MKNK1: variants seen among roughly 807,000 people sequenced by gnomAD.
MKNK1 encodes the protein MAPK interacting serine/threonine kinase 1.
MKNK1 carries 30 observed loss-of-function variants against 49.3 expected under a neutral mutation model. The ratio of observed to expected loss-of-function variants is 0.61; its 90% CI spans 0.46 to 0.83. The LOEUF is 0.83. MKNK1 is among the 40% of genes least tolerant of loss of function. The probability of loss-of-function intolerance (pLI) is 0.00; values close to 1 mark genes in which losing one functional copy is unlikely to be tolerated. For synonymous variants in MKNK1, 176 were observed against 201.7 expected, an observed-to-expected ratio of 0.87 and a Z score of 1.08; for missense variants, 423 against 524.7, an observed-to-expected ratio of 0.81 and a Z score of 1.89.
Position 46,562,351 on chromosome 1 carries a change from G to A in MKNK1, c.804+298C>T, listed in dbSNP as rs1158783636. On this transcript the variant is annotated intron_variant, in intron 10 of 12. Coordinates refer to ENST00000371945, the MANE Select transcript of MKNK1 (RefSeq NM_001135553.4). ...GCAGAGGTTGCAGTGAGTCGAGATC[G>A]TGCCATTGCACTCCAGCCTGGGCGA... Among the ~76,000 whole-genome samples the A allele has an allele frequency of 4.5e-4, 63 of 140,826 alleles. 1 individual carries two copies. The highest frequency in any genetic ancestry group is 6.3e-4 in the East Asian group (3 of 4,758). 92.4% of individuals were successfully genotyped at this position (140,826 alleles called of 152,430 possible).
rs764247035 is a variant in MKNK1, at chr1:46,562,724, A to T, written c.729T>A (p.Ser243Arg). ...SLGVVLYIML[S>R]GYPPFVGHCG... ...AGTGACCCACGAAGGGTGGGTAGCC[A>T]CTCAGCATGATGTAGAGGACCACGC... Residue 243 changes from serine to arginine, a missense_variant, in exon 10 of 13, where the codon AGT becomes AGA. Ser to Arg is a moderately radical substitution (Grantham distance 110). Coordinates refer to ENST00000371945, the MANE Select transcript of MKNK1 (RefSeq NM_001135553.4). The T allele has an allele frequency of 6.3e-7, 1 of 1,596,080 alleles. No individual in the cohort carries two copies. The highest frequency in any genetic ancestry group is 1.3e-5 in the African/African-American group (1 of 74,828).
At chr1:46,586,196 G>A (rs1672541011) in intron 2 of MKNK1, 2 of 321,560 alleles carry the variant, frequency 6.2e-6, no homozygotes. Context: ...CTGCCTCAGG[G>A]AGTGGGACCC....
At chr1:46,588,031 A>G (rs1192766290) in intron 2 of MKNK1, among the ~76,000 whole-genome samples, 1 of 152,220 alleles carries the variant, frequency 6.6e-6, no homozygotes, top group Non-Finnish European at 1.5e-5. Flanking sequence ...TCATAATCTC[A>G]AAAGGTAAAT....
chr1:46,571,703 T>C (rs1215085866), intron 7 of MKNK1, among the ~76,000 whole-genome samples: 4 of 152,194 alleles, frequency 2.6e-5, no homozygotes, highest in Non-Finnish European at 5.9e-5. Context: ...ACTAAGAAGG[T>C]TGTATTGTGT....
chr1:46,579,009 C>A (rs952036694), intron 4 of MKNK1, among the ~76,000 whole-genome samples: 1 of 152,346 alleles, frequency 6.6e-6, no homozygotes, highest in African/African-American at 2.4e-5. Context: ...CCGCCTCAGC[C>A]TCCCAAAGTG....
Position 46,561,518 on chromosome 1 carries a change from A to C in MKNK1, c.929T>G (p.Leu310Arg), listed in dbSNP as rs752960509. The change falls in exon 11 of 13, where the codon CTT becomes CGT. Residue 310 changes from leucine to arginine, a missense_variant. By Grantham distance (102) the Leu-to-Arg change is moderately radical (BLOSUM62 -2). Transcript: ENST00000371945. ...KLLVRDAKQR[L>R]SAAQVLQHPW... The stretch of plus-strand genomic sequence containing the variant: ...GTGCTGCAGAACTTGGGCGGCGCTA[A>C]GTCTCTGCTTTGCATCTCGCACCAG... The C allele has an allele frequency of 6.2e-7, 1 of 1,614,092 alleles. No individual in the cohort carries two copies. The highest frequency in any genetic ancestry group is 8.5e-7 in the Non-Finnish European group (1 of 1,179,962).
intron 11 of MKNK1, among the ~76,000 whole-genome samples, chr1:46,560,938 A>C (rs1667848716): frequency 6.6e-6 from 1 of 152,256 alleles, no homozygotes; most frequent in South Asian, 2.1e-4. Context: ...CTTGGAGGGC[A>C]GAGGTCAGGT....
chr1:46,559,220 G>A (rs1486149745), intron 12 of MKNK1, among the ~76,000 whole-genome samples: 4 of 152,236 alleles, frequency 2.6e-5, no homozygotes, highest in African/African-American at 7.2e-5. Context: ...CAGGGCTAGC[G>A]TGGACAGGCA....
chr1:46,594,215 G>A lies in MKNK1; in HGVS notation c.-105C>T, dbSNP rs745531451. 6 of 1,245,398 alleles carry A rather than the reference G, an allele frequency of 4.8e-6. No individual in the cohort carries two copies. Among genetic ancestry groups the A allele is most frequent in the South Asian group, 3.6e-5 (3 of 83,766 alleles). The allele number at this position is 1,245,398 out of a possible 1,614,324, so 77.1% of individuals were successfully genotyped here. ...AGTTGGTGTCTTCCAGCTACACGAA[G>A]TGTCTCAATGGCCTTTGTGCGTAGG... is the stretch of plus-strand genomic sequence containing the variant. On this transcript the variant is annotated 5_prime_UTR_variant, in exon 2 of 13. Transcript: ENST00000371945.
chr1:46,576,792 A>T (rs1015639205), intron 4 of MKNK1, 138 bp from the exon 5 acceptor site: 3 of 732,128 alleles, frequency 4.1e-6, no homozygotes, highest in Admixed American at 2.1e-5. Context: ...GGCCTTGGTG[A>T]CACCGGCACT....
At chr1:46,559,864 C>T (rs1052443710) in intron 12 of MKNK1, 14 of 319,200 alleles carry the variant, frequency 4.4e-5, no homozygotes, top group South Asian at 1.8e-4. Flanking sequence ...TAGTACCGTA[C>T]GTGCCCCTCA....
intron 9 of MKNK1, 24 bp from the exon 10 acceptor site, chr1:46,562,867 G>T: frequency 6.3e-7 from 1 of 1,580,106 alleles, no homozygotes; most frequent in Non-Finnish European, 8.6e-7. Context: ...GGTTGGGGGA[G>T]GGGGAGATGG....
At chr1:46,602,090 G>A (rs1570358234) in intron 1 of MKNK1, among the ~76,000 whole-genome samples, 1 of 152,106 alleles carries the variant, frequency 6.6e-6, no homozygotes, top group Non-Finnish European at 1.5e-5. Context: ...GCAAAGGCTC[G>A]AGCAGGAACA....
intron 10 of MKNK1, 48 bp downstream of exon 10, chr1:46,562,601 A>G (rs899918774): frequency 6.6e-7 from 1 of 1,523,368 alleles, no homozygotes; most frequent in African/African-American, 1.4e-5. Flanking sequence ...CCCCAACCAC[A>G]CTGACCCCTA....
chr1:46,576,393 C>T, intron 5 of MKNK1, 182 bp downstream of exon 5: 3 of 582,576 alleles, frequency 5.1e-6, no homozygotes, highest in Non-Finnish European at 6.2e-6. Flanking sequence ...ATAATAGCTC[C>T]TTTGCTGTTA....
intron 4 of MKNK1, among the ~76,000 whole-genome samples, chr1:46,577,893 C>T (rs1671212884): frequency 6.6e-6 from 1 of 152,252 alleles, no homozygotes; most frequent in East Asian, 1.9e-4. Context: ...CTCCAACGTG[C>T]ACAGTGGGCA....
chr1:46,600,869 T>C (rs1234438192), intron 1 of MKNK1, among the ~76,000 whole-genome samples: 2 of 152,130 alleles, frequency 1.3e-5, no homozygotes, highest in Non-Finnish European at 2.9e-5. Flanking sequence ...AACAGAGTCA[T>C]GACATTTCAC....
In MKNK1 at chr1:46,558,263, A is replaced by G; in HGVS notation, c.*312T>C. The G allele has an allele frequency of 2.9e-6, 1 of 350,650 alleles. No individual in the cohort carries two copies. 21.7% of individuals were successfully genotyped at this position (350,650 alleles called of 1,614,324 possible). On this transcript the variant is annotated 3_prime_UTR_variant, in exon 13 of 13. Coordinates refer to ENST00000371945, the MANE Select transcript of MKNK1 (RefSeq NM_001135553.4). ...CCGCCACAGCTACAGCGGTGAGAGC[A>G]GGCTGGATCCCAGATCTGCAGGCGG...
intron 1 of MKNK1, 29 bp from the exon 2 acceptor site, chr1:46,594,309 C>A (rs1673761805): frequency 4.4e-6 from 3 of 686,942 alleles, no homozygotes; most frequent in Non-Finnish European, 5.3e-6. Flanking sequence ...GAAAGGAAAT[C>A]AAAATGCTGA....
Sources: gnomAD v4.1 joint callset for allele counts (sites outside exome capture counted in the v4.1 genomes callset) on GRCh38, gnomAD v4.1.1 for gene constraint, MANE v1.5 for transcripts, NCBI Gene and HGNC (gene_info 2026-07-23, HGNC 2026-07-21) for gene names.